The following GPSM1 variants were observed in gnomAD, a reference collection of about 807,000 sequenced individuals.
The protein encoded by GPSM1 is G protein-signaling modulator 1.
GPSM1 carries 48 observed loss-of-function variants against 70.5 expected under a neutral mutation model. That is an observed-to-expected ratio of 0.68 (90% CI 0.54 to 0.87). The LOEUF is 0.87. Ranked by LOEUF, GPSM1 falls within the 40% of genes least tolerant of loss-of-function variation. The pLI is 0.00. For missense variants in GPSM1, 981 were observed against 972.6 expected, an observed-to-expected ratio of 1.01 and a Z score of -0.11; for synonymous variants, 416 against 430.1, an observed-to-expected ratio of 0.97 and a Z score of 0.41.
intron 11 of GPSM1, chr9:136,354,939 C>T (rs1588708987): frequency 2.9e-6 from 3 of 1,031,874 alleles, no homozygotes; most frequent in South Asian, 6.3e-5. Flanking sequence ...GGAGGCTGGC[C>T]CAGGGCAGGT....
At chr9:136,331,825 C>G (rs1385061567) in intron 1 of GPSM1, among the ~76,000 whole-genome samples, 1 of 152,068 alleles carries the variant, frequency 6.6e-6, no homozygotes, top group African/African-American at 2.4e-5. Context: ...TCCCTTGATC[C>G]ACGTCAGGGA....
In GPSM1 at chr9:136,356,374, G is replaced by A. The variant is rs782155790; in HGVS notation, c.1645G>A (p.Glu549Lys). The A allele has an allele frequency of 3.4e-5, 54 of 1,605,072 alleles. No homozygotes were observed. Among genetic ancestry groups the A allele is most frequent in the South Asian group, 5.5e-5 (5 of 90,652 alleles). Residue 549 changes from glutamate (E) to lysine (K), a missense_variant, in exon 13 of 14, where the codon GAG (glutamate) becomes AAG (lysine). Transcript: ENST00000440944. Reference protein sequence around the residue: ...QPSMTASPQTEEFFDLIASSQ... With the variant: ...QPSMTASPQTKEFFDLIASSQ... ...CTCGATGACGGCCTCGCCCCAGACC[G>A]AGGAATTCTTCGACCTCATCGCCAG...
rs782654002 is a variant in GPSM1, at chr9:136,338,672, C to T, written c.936C>T (p.His312=). 4 of 1,570,466 alleles carry T rather than the reference C, an allele frequency of 2.5e-6. No individual in the cohort carries two copies. The Admixed American group carries it at 5.7e-5, about 22-fold the overall frequency. Residue 312 remains histidine (H), a synonymous_variant, in exon 7 of 14, where the codon CAC becomes CAT. Coordinates refer to ENST00000440944, the MANE Select transcript of GPSM1 (RefSeq NM_001145638.3). ...LQDYERAAEY[H]LRHLLIAQEL... ...ACTACGAGCGCGCGGCCGAGTACCA[C>T]CTGCGGCACCTGCTCATTGCCCAGG... is the stretch of plus-strand genomic sequence containing the variant.
chr9:136,328,799 A>T (rs1015862222), intron 1 of GPSM1, among the ~76,000 whole-genome samples: 17 of 152,122 alleles, frequency 1.1e-4, no homozygotes, highest in African/African-American at 4.8e-5. Flanking sequence ...GGCCCCACGC[A>T]GGGGAGGGGC....
At chr9:136,339,308 A>T (rs1295845675) in intron 7 of GPSM1, among the ~76,000 whole-genome samples, 1 of 152,126 alleles carries the variant, frequency 6.6e-6, no homozygotes, top group Non-Finnish European at 1.5e-5. Context: ...TATAAAAACA[A>T]CCCCCTCACC....
chr9:136,327,594 C>G lies in GPSM1; in HGVS notation c.-102C>G, dbSNP rs1272312224. On this transcript the variant is annotated 5_prime_UTR_variant, in exon 1 of 14. Coordinates refer to ENST00000440944, the MANE Select transcript of GPSM1 (RefSeq NM_001145638.3). Reference sequence around the variant, plus strand: ...GGCGAACGAGGCGCGGACGGACAGGCGGACAGCAGGGCGGACAGCAGGGAG... The same window carrying G: ...GGCGAACGAGGCGCGGACGGACAGGGGGACAGCAGGGCGGACAGCAGGGAG... 8 of 218,040 alleles carry G rather than the reference C, an allele frequency of 3.7e-5. No homozygotes were observed. Among genetic ancestry groups the G allele is most frequent in the Non-Finnish European group, 1.6e-5 (2 of 123,530 alleles). 13.5% of individuals were successfully genotyped at this position (218,040 alleles called of 1,614,324 possible). A position where few individuals can be genotyped will look rare whatever the true frequency, so the allele number is the denominator to read the frequency against.
At chr9:136,345,606 G>A (rs1554771145) in intron 9 of GPSM1, among the ~76,000 whole-genome samples, 1 of 152,194 alleles carries the variant, frequency 6.6e-6, no homozygotes, top group South Asian at 2.1e-4. Context: ...CAGCTGTGCC[G>A]GGCCCAGGAC....
At position 136,342,234 on chromosome 9, in the gene GPSM1, G is replaced by A. The variant is rs571733664; in HGVS notation, c.1207+1241G>A. Among the ~76,000 whole-genome samples the A allele has an allele frequency of 2.0e-5, 3 of 152,248 alleles. No homozygotes were observed. The highest frequency in any genetic ancestry group is 4.8e-5 in the African/African-American group (2 of 41,544). On this transcript the variant is annotated intron_variant, in intron 9 of 13. Transcript: ENST00000440944. The surrounding 1 kb of genome is among the most constrained non-coding windows in gnomAD (Gnocchi z 5.5). ...GCCGAGAGCTCCTGCGGCACCCCTA[G>A]TACCCTCCTGTGTCCCTGGCTCGGC...
chr9:136,333,509 G>A (rs1451380914), intron 1 of GPSM1, among the ~76,000 whole-genome samples: 2 of 152,128 alleles, frequency 1.3e-5, no homozygotes, highest in African/African-American at 4.8e-5. Flanking sequence ...TAGGGTGGCA[G>A]CTGACGCACA....
At chr9:136,355,603 T>C in intron 11 of GPSM1, 87 bp from the exon 12 acceptor site, 2 of 1,255,592 alleles carry the variant, frequency 1.6e-6, no homozygotes, top group Non-Finnish European at 2.3e-6. Context: ...GTCTCAGAAG[T>C]GTGTGTGGCC....
chr9:136,331,856 C>G, intron 1 of GPSM1: 1 of 396,042 alleles, frequency 2.5e-6, no homozygotes, highest in East Asian at 3.6e-5. Flanking sequence ...CCCCGAGCAC[C>G]TGCTGGAGGA....
At chr9:136,339,058 G>A (rs963026983) in intron 7 of GPSM1, among the ~76,000 whole-genome samples, 5 of 152,194 alleles carry the variant, frequency 3.3e-5, no homozygotes, top group Non-Finnish European at 7.3e-5. Flanking sequence ...GGTGGTGGCC[G>A]GAACAAGGGG....
intron 11 of GPSM1, among the ~76,000 whole-genome samples, chr9:136,351,513 C>T (rs1161859223): frequency 6.6e-6 from 1 of 152,208 alleles, no homozygotes; most frequent in Non-Finnish European, 1.5e-5. Context: ...AGTCAGCCGG[C>T]CTCAGGGGCT....
chr9:136,354,263 CAT>C lies in GPSM1; in HGVS notation c.1456-1426_1456-1425del, dbSNP rs1180289207. On this transcript the variant is annotated intron_variant, in intron 11 of 13. Transcript: ENST00000440944. ...CCAGCATGACCTTGGGTAGGTCACA[CAT>C]GTCTCTAGGCCCCACTCTCCTGTGC... Among the ~76,000 whole-genome samples the C allele has an allele frequency of 3.5e-4, 53 of 152,338 alleles. No individual in the cohort carries two copies. The Middle Eastern group carries it at 0.01, about 29-fold the overall frequency.
At chr9:136,352,819 T>G (rs2131412894) in intron 11 of GPSM1, among the ~76,000 whole-genome samples, 1 of 152,342 alleles carries the variant, frequency 6.6e-6, no homozygotes, top group East Asian at 1.9e-4. Flanking sequence ...CACACAGCCC[T>G]CCAGTGTGCC....
chr9:136,342,533 C>CGGCAGCCT lies in GPSM1; in HGVS notation c.1207+1544_1207+1551dup, dbSNP rs1336081003. 6.6e-6 allele frequency among the ~76,000 whole-genome samples: 1 copy of CGGCAGCCT among 152,080 alleles called. No homozygotes were observed. Among genetic ancestry groups the CGGCAGCCT allele is most frequent in the African/African-American group, 2.4e-5 (1 of 41,436 alleles). On this transcript the variant is annotated intron_variant, in intron 9 of 13. Transcript: ENST00000440944. This position sits in a 1 kb window ranked among gnomAD's most constrained non-coding sequence, Gnocchi z 5.5. Reference sequence around the variant, plus strand: ...GTCCTCCTCCCCGCCCAGGGCAGCCCGGCAGCCTGGCTGGGGCCGCCGCCC... The same window carrying CGGCAGCCT: ...GTCCTCCTCCCCGCCCAGGGCAGCCCGGCAGCCTGGCAGCCTGGCTGGGGCCGCCGCCC...
At chr9:136,333,915 G>T (rs1162290586) in intron 1 of GPSM1, among the ~76,000 whole-genome samples, 2 of 152,096 alleles carry the variant, frequency 1.3e-5, no homozygotes, top group Non-Finnish European at 2.9e-5. Context: ...GAGCTTGGGG[G>T]TGGGGGAGGA....
chr9:136,334,827 G>A (rs1832193493), intron 2 of GPSM1, among the ~76,000 whole-genome samples, 159 bp downstream of exon 2: 1 of 151,068 alleles, frequency 6.6e-6, no homozygotes, highest in South Asian at 2.1e-4. Flanking sequence ...GCTGGCGGGT[G>A]AGTGGGGACG....
chr9:136,350,137 CACCCTCCTTTGTTGGG>C (rs1368238585), intron 11 of GPSM1, among the ~76,000 whole-genome samples: 8 of 152,358 alleles, frequency 5.3e-5, no homozygotes, highest in Middle Eastern at 3.4e-3. Context: ...CTCCAGCCCC[CACCCTCCTTTGTTGGG>C]ACCCTCCAGA....
Sources: allele counts gnomAD v4.1 joint callset (sites outside exome capture counted in the v4.1 genomes callset), GRCh38; gene constraint gnomAD v4.1.1; non-coding constraint Gnocchi (gnomAD v3.1); transcripts MANE v1.5; gene names NCBI Gene and HGNC (gene_info 2026-07-23, HGNC 2026-07-21).